PPM1L: variants seen among roughly 807,000 people sequenced by gnomAD.
The protein encoded by PPM1L is protein phosphatase 1L.
A neutral mutation model predicts 31.4 loss-of-function variants in PPM1L; 13 were observed. That is an observed-to-expected ratio of 0.41 (90% confidence interval 0.27 to 0.66). PPM1L has a LOEUF of 0.66. Among genes scored for constraint, PPM1L ranks in the 30% least tolerant of loss-of-function variants. The pLI, the probability that PPM1L is intolerant of heterozygous loss-of-function variation, is 0.29. For missense variants in PPM1L, 326 were observed against 453.7 expected, an observed-to-expected ratio of 0.72 and a Z score of 2.56; for synonymous variants, 184 against 175.4, an observed-to-expected ratio of 1.05 and a Z score of -0.39.
intron 1 of PPM1L, among the ~76,000 whole-genome samples, chr3:160,870,034 A>G (rs1341926469): frequency 6.6e-6 from 1 of 152,128 alleles, no homozygotes; most frequent in African/African-American, 2.4e-5. Flanking sequence ...CAACAATTCA[A>G]AATTTGCCCT....
intron 1 of PPM1L, among the ~76,000 whole-genome samples, chr3:160,920,284 C>G (rs970061365): frequency 6.6e-6 from 1 of 152,116 alleles, no homozygotes; most frequent in Non-Finnish European, 1.5e-5. Flanking sequence ...CAATAAGGGC[C>G]AGGCCTCTAA....
chr3:160,773,560 A>G (rs996104735), intron 1 of PPM1L, among the ~76,000 whole-genome samples: 12 of 152,208 alleles, frequency 7.9e-5, no homozygotes, highest in African/African-American at 2.9e-4. Context: ...CAGTACCGTC[A>G]GTGTGTATTA....
Position 160,877,754 on chromosome 3 carries a change from A to G in PPM1L, c.400-83982A>G, listed in dbSNP as rs569208306. On this transcript the variant is annotated intron_variant, in intron 1 of 3. Transcript: ENST00000498165. ...TACGTAGGGTCCAAAGATTGGTTGG[A>G]CAGGTGTGATATTTACATAACACAC... is the stretch of plus-strand genomic sequence containing the variant. 1.5e-4 allele frequency among the ~76,000 whole-genome samples: 23 copies of G among 152,280 alleles called. No homozygotes were observed. In the South Asian group the frequency reaches 4.8e-3, roughly 32 times the overall value.
At chr3:160,964,563 T>C (rs1277828299) in intron 2 of PPM1L, among the ~76,000 whole-genome samples, 3 of 152,016 alleles carry the variant, frequency 2.0e-5, no homozygotes, top group African/African-American at 7.2e-5. Context: ...AATGGACCCA[T>C]GCAGTTAAAC....
intron 1 of PPM1L, among the ~76,000 whole-genome samples, chr3:160,910,259 T>TTTCCCCTTCCTCTTCCCCTTTCCCC (rs1713919663): frequency 2.0e-5 from 1 of 50,050 alleles, no homozygotes; most frequent in African/African-American, 1.1e-4. Context: ...CCCCTTCCCC[T>TTTCCCCTTCCTCTTCCCCTTTCCCC]TTCCCCTTCC....
chr3:160,916,895 AGAAACAAAACATCAAACTC>A (rs1714204877), intron 1 of PPM1L, among the ~76,000 whole-genome samples: 1 of 152,236 alleles, frequency 6.6e-6, no homozygotes, highest in Non-Finnish European at 1.5e-5. Flanking sequence ...AAAGTAACTT[AGAAACAAAACATCAAACTC>A]TTTTTCTGCC....
chr3:160,954,678 A>G (rs1163394258), intron 1 of PPM1L, among the ~76,000 whole-genome samples: 3 of 152,086 alleles, frequency 2.0e-5, no homozygotes, highest in Non-Finnish European at 4.4e-5. Context: ...TCTGCTTTTT[A>G]TTATGAATAT....
intron 1 of PPM1L, among the ~76,000 whole-genome samples, chr3:160,951,337 A>G (rs1304803244): frequency 2.6e-5 from 4 of 152,232 alleles, no homozygotes; most frequent in Non-Finnish European, 4.4e-5. Flanking sequence ...CAAAGAATTC[A>G]TCATCACTGT....
intron 1 of PPM1L, 83 bp from the exon 2 acceptor site, chr3:160,961,653 C>T: frequency 8.0e-7 from 1 of 1,249,180 alleles, no homozygotes; most frequent in Non-Finnish European, 1.1e-6. Context: ...TTTGAGCTTT[C>T]TCTATAGCAC....
At chr3:160,905,351 A>G (rs570996986) in intron 1 of PPM1L, among the ~76,000 whole-genome samples, 1 of 152,332 alleles carries the variant, frequency 6.6e-6, no homozygotes, top group East Asian at 1.9e-4. Context: ...GAATTTGTTC[A>G]TCTTGGAACA....
At chr3:160,956,867 A>C (rs963137779) in intron 1 of PPM1L, among the ~76,000 whole-genome samples, 4 of 152,248 alleles carry the variant, frequency 2.6e-5, no homozygotes, top group African/African-American at 4.8e-5. Context: ...TTCCCAAGCT[A>C]TCTGAAAGTA....
At chr3:160,877,220 C>CA (rs1245193732) in intron 1 of PPM1L, among the ~76,000 whole-genome samples, 1 of 152,162 alleles carries the variant, frequency 6.6e-6, no homozygotes, top group East Asian at 1.9e-4. Flanking sequence ...TAATAATAAT[C>CA]AAAAATCTTT....
intron 1 of PPM1L, among the ~76,000 whole-genome samples, chr3:160,873,991 TA>T: frequency 6.6e-6 from 1 of 152,340 alleles, no homozygotes; most frequent in South Asian, 2.1e-4. Flanking sequence ...TGTAGAGGGC[TA>T]TTAATTTTCT....
At chr3:161,020,940 C>T (rs7632423) in intron 2 of PPM1L, among the ~76,000 whole-genome samples, 88,251 of 151,736 alleles carry the variant, frequency 0.58, 27,016 homozygotes, top group East Asian at 0.92. Flanking sequence ...TCTTGGTAAT[C>T]TGAGTCTTCT....
At chr3:160,985,628 T>C (rs939123510) in intron 2 of PPM1L, among the ~76,000 whole-genome samples, 1 of 152,186 alleles carries the variant, frequency 6.6e-6, no homozygotes, top group Non-Finnish European at 1.5e-5. Context: ...CTTTAGTTAG[T>C]AAAGTTCTTT....
chr3:160,777,840 T>C (rs540319667), intron 1 of PPM1L, among the ~76,000 whole-genome samples: 1 of 152,336 alleles, frequency 6.6e-6, no homozygotes, highest in African/African-American at 2.4e-5. Flanking sequence ...TGCAAATATG[T>C]CTTTGAGATA....
At chr3:160,920,969 A>C (rs1367657009) in intron 1 of PPM1L, among the ~76,000 whole-genome samples, 1 of 151,912 alleles carries the variant, frequency 6.6e-6, no homozygotes, top group African/African-American at 2.4e-5. Flanking sequence ...ATTTTTATTC[A>C]GTTTTCTCGG....
intron 2 of PPM1L, among the ~76,000 whole-genome samples, chr3:160,970,787 A>ATTGT: frequency 1.0e-5 from 1 of 97,190 alleles, no homozygotes; most frequent in South Asian, 3.2e-4. Context: ...TTCAGTTATA[A>ATTGT]TTTTTTTTTT....
intron 2 of PPM1L, among the ~76,000 whole-genome samples, chr3:161,050,470 A>G (rs1414998019): frequency 6.6e-6 from 1 of 152,220 alleles, no homozygotes; most frequent in East Asian, 1.9e-4. Context: ...TAAAAATTCA[A>G]ATCAACTTTA....
Sources: gnomAD v4.1 joint callset for allele counts (sites outside exome capture counted in the v4.1 genomes callset) on GRCh38, gnomAD v4.1.1 for gene constraint, MANE v1.5 for transcripts, NCBI Gene and HGNC (gene_info 2026-07-23, HGNC 2026-07-21) for gene names.